CPA6: variants seen among roughly 807,000 people sequenced by gnomAD.
The protein encoded by CPA6 is carboxypeptidase A6, also known as carboxypeptidase B.
In CPA6, 58 loss-of-function variants were observed where a neutral mutation model predicts 63.3. That is an observed-to-expected ratio of 0.92 (90% CI 0.74 to 1.14). The LOEUF is 1.14. Among genes scored for constraint, CPA6 ranks in the 50% most tolerant of loss-of-function variants. CPA6 has a pLI of 0.00. For missense variants in CPA6, 565 were observed against 526.6 expected (o/e 1.07, Z -0.71); for synonymous variants, 185 against 179.0 (o/e 1.03, Z -0.27).
chr8:67,590,046 C>A (rs56754547), intron 2 of CPA6, among the ~76,000 whole-genome samples: 10,111 of 151,496 alleles, frequency 0.067, 606 homozygotes, highest in African/African-American at 0.16. Flanking sequence ...CCACTCCCCC[C>A]ACCCCACAAC....
At chr8:67,688,355 A>G (rs1816747347) in intron 1 of CPA6, among the ~76,000 whole-genome samples, 1 of 152,196 alleles carries the variant, frequency 6.6e-6, no homozygotes, top group Non-Finnish European at 1.5e-5. Context: ...AATAATGAAT[A>G]TTTGAGAAGG....
intron 1 of CPA6, among the ~76,000 whole-genome samples, chr8:67,679,037 G>A (rs1462522934): frequency 2.0e-5 from 3 of 152,194 alleles, no homozygotes; most frequent in African/African-American, 7.2e-5. Context: ...AAGTCAGGAT[G>A]TGGTTAACCT....
At chr8:67,612,957 A>G (rs1012115606) in intron 2 of CPA6, among the ~76,000 whole-genome samples, 5 of 152,220 alleles carry the variant, frequency 3.3e-5, no homozygotes, top group African/African-American at 7.2e-5. Context: ...TCAAATTCAC[A>G]TGTTTCTGAT....
At position 67,568,816 on chromosome 8, in the gene CPA6, T is replaced by C. The variant is rs551641147; in HGVS notation, c.193-50769A>G. On this transcript the variant is annotated intron_variant, in intron 2 of 10. Coordinates refer to ENST00000297770, the MANE Select transcript of CPA6 (RefSeq NM_020361.5). ...CCCAGTTTGGAGTGCAGTGGCACGA[T>C]CTCGGCTCACTGCAACCTCCGCCTC... Among the ~76,000 whole-genome samples, 7 of 152,336 alleles carry C rather than the reference T, an allele frequency of 4.6e-5. No individual in the cohort carries two copies. The South Asian group carries it at 1.2e-3, about 27-fold the overall frequency.
At chr8:67,449,810 CTT>C (rs35803454) in intron 8 of CPA6, among the ~76,000 whole-genome samples, 13 of 124,236 alleles carry the variant, frequency 1.0e-4, no homozygotes, top group Admixed American at 1.7e-4. Flanking sequence ...CAAGCCATCT[CTT>C]TTTTTTTTTT....
chr8:67,640,357 T>C (rs1587661299), intron 1 of CPA6, among the ~76,000 whole-genome samples: 2 of 151,512 alleles, frequency 1.3e-5, no homozygotes, highest in African/African-American at 2.4e-5. Flanking sequence ...CCAGTGCTTG[T>C]TGGTGCCCCA....
intron 2 of CPA6, among the ~76,000 whole-genome samples, chr8:67,546,997 C>T (rs576947965): frequency 3.4e-4 from 51 of 152,218 alleles, no homozygotes; most frequent in African/African-American, 1.2e-3. Flanking sequence ...GCTGAATTTA[C>T]GTTTTTAACA....
intron 1 of CPA6, among the ~76,000 whole-genome samples, chr8:67,677,838 G>C (rs534303548): frequency 4.0e-5 from 6 of 151,310 alleles, no homozygotes; most frequent in African/African-American, 1.5e-4. Context: ...ATTCCAGGTA[G>C]CTTGTAGGTC....
chr8:67,453,419 A>T (rs1364195242), intron 8 of CPA6, among the ~76,000 whole-genome samples: 1 of 152,230 alleles, frequency 6.6e-6, no homozygotes, highest in African/African-American at 2.4e-5. Context: ...CCGATTTGGC[A>T]GAGTGAAGGT....
At chr8:67,483,113 C>T (rs1017434366) in intron 8 of CPA6, among the ~76,000 whole-genome samples, 1 of 152,116 alleles carries the variant, frequency 6.6e-6, no homozygotes, top group Non-Finnish European at 1.5e-5. Context: ...CTCCTAACGA[C>T]TGCATTTTGA....
At chr8:67,704,796 CT>C (rs1179301937) in intron 1 of CPA6, among the ~76,000 whole-genome samples, 1 of 152,202 alleles carries the variant, frequency 6.6e-6, no homozygotes, top group Non-Finnish European at 1.5e-5. Flanking sequence ...CAGGCAACAT[CT>C]TTTTTCCTTT....
At chr8:67,491,072 G>C (rs1811593680) in intron 6 of CPA6, among the ~76,000 whole-genome samples, 1 of 152,076 alleles carries the variant, frequency 6.6e-6, no homozygotes, top group South Asian at 2.1e-4. Context: ...TCACCATCAA[G>C]CTGAAGACCA....
chr8:67,651,024 A>C (rs146433731), intron 1 of CPA6, among the ~76,000 whole-genome samples: 12 of 152,310 alleles, frequency 7.9e-5, no homozygotes, highest in Admixed American at 3.3e-4. Context: ...GCAGTCTAAA[A>C]TTAGCCACTG....
chr8:67,701,344 G>A (rs2128998758), intron 1 of CPA6, among the ~76,000 whole-genome samples: 1 of 152,282 alleles, frequency 6.6e-6, no homozygotes. Flanking sequence ...CTCTCAGGGT[G>A]TCACGAAGAG....
chr8:67,704,295 G>C (rs959519822), intron 1 of CPA6, among the ~76,000 whole-genome samples: 1 of 152,096 alleles, frequency 6.6e-6, no homozygotes, highest in Non-Finnish European at 1.5e-5. Flanking sequence ...CTCAATACGC[G>C]TCAAGACCTT....
intron 2 of CPA6, among the ~76,000 whole-genome samples, chr8:67,615,395 T>G (rs749763599): frequency 7.9e-5 from 12 of 152,188 alleles, no homozygotes; most frequent in Non-Finnish European, 1.5e-4. Context: ...TTGGATCACA[T>G]GTTAATGTCC....
intron 1 of CPA6, among the ~76,000 whole-genome samples, chr8:67,692,298 A>G (rs999948071): frequency 6.7e-6 from 1 of 148,332 alleles, no homozygotes; most frequent in Non-Finnish European, 1.5e-5. Context: ...ATTGTACTAC[A>G]GCCTGGGCAA....
At chr8:67,484,226 C>A (rs921612582) in intron 7 of CPA6, among the ~76,000 whole-genome samples, 1 of 152,112 alleles carries the variant, frequency 6.6e-6, no homozygotes, top group African/African-American at 2.4e-5. Flanking sequence ...CCCGCCACCG[C>A]GCCCGGCTAA....
At chr8:67,516,990 T>A (rs1334955506) in intron 3 of CPA6, among the ~76,000 whole-genome samples, 3 of 151,962 alleles carry the variant, frequency 2.0e-5, no homozygotes, top group Non-Finnish European at 4.4e-5. Context: ...AGAGACAGGG[T>A]TTCACCATGT....
Sources: gnomAD v4.1 joint callset for allele counts (sites outside exome capture counted in the v4.1 genomes callset) on GRCh38, gnomAD v4.1.1 for gene constraint, MANE v1.5 for transcripts, NCBI Gene and HGNC (gene_info 2026-07-23, HGNC 2026-07-21) for gene names.